The following NCKAP5 variants were observed in gnomAD, a reference collection of about 807,000 sequenced individuals.
NCKAP5 encodes nck-associated protein 5.
Under a neutral mutation model 167.0 loss-of-function variants are expected in NCKAP5, and 92 were observed. The observed-to-expected ratio is 0.55, with a 90% CI of 0.47 to 0.66. NCKAP5 has a LOEUF of 0.66. NCKAP5 is among the 30% of genes least tolerant of loss of function. NCKAP5 has a pLI of 0.00. For missense variants in NCKAP5, 2,378 were observed against 2,315.0 expected, an observed-to-expected ratio of 1.03 and a Z score of -0.56; for synonymous variants, 891 against 877.4, an observed-to-expected ratio of 1.02 and a Z score of -0.27.
intron 5 of NCKAP5, among the ~76,000 whole-genome samples, chr2:133,178,826 T>C (rs1298950535): frequency 1.7e-4 from 14 of 82,766 alleles, no homozygotes; most frequent in Non-Finnish European, 2.5e-4. Flanking sequence ...CAAGACTCCG[T>C]CTCAAAAAAA....
intron 16 of NCKAP5, among the ~76,000 whole-genome samples, chr2:132,733,901 T>C (rs934461666): frequency 6.6e-6 from 1 of 152,180 alleles, no homozygotes; most frequent in Admixed American, 6.5e-5. Flanking sequence ...AAGTCCCTAC[T>C]CAAGAGGCTT....
intron 4 of NCKAP5, among the ~76,000 whole-genome samples, chr2:133,247,977 T>C (rs536871559): frequency 3.9e-5 from 6 of 152,340 alleles, no homozygotes; most frequent in African/African-American, 1.4e-4. Context: ...GGTCATGTGT[T>C]GACTAGTCAC....
At chr2:132,788,426 T>C (rs796783704) in intron 13 of NCKAP5, among the ~76,000 whole-genome samples, 31 of 152,254 alleles carry the variant, frequency 2.0e-4, no homozygotes, top group African/African-American at 7.2e-4. Context: ...ACAAGGCCAG[T>C]ATAAAAGAAC....
At chr2:133,164,151 C>T (rs7608285) in intron 5 of NCKAP5, among the ~76,000 whole-genome samples, 74,970 of 152,042 alleles carry the variant, frequency 0.49, 19,516 homozygotes, top group African/African-American at 0.68. Flanking sequence ...GCTATGCAAG[C>T]ACAGGATATT....
intron 3 of NCKAP5, among the ~76,000 whole-genome samples, chr2:133,502,592 T>C (rs1682623289): frequency 6.6e-6 from 1 of 152,164 alleles, no homozygotes; most frequent in African/African-American, 2.4e-5. Flanking sequence ...GTCTACATCA[T>C]ATCCTTGATA....
chr2:133,548,591 A>G (rs1424173535), intron 2 of NCKAP5, among the ~76,000 whole-genome samples: 1 of 152,066 alleles, frequency 6.6e-6, no homozygotes, highest in Non-Finnish European at 1.5e-5. Context: ...CTTAAAGACA[A>G]GAATTTTCAA....
chr2:133,484,056 C>T (rs1680693102), intron 3 of NCKAP5, among the ~76,000 whole-genome samples: 1 of 152,116 alleles, frequency 6.6e-6, no homozygotes, highest in South Asian at 2.1e-4. Flanking sequence ...TTGTCCAAAT[C>T]CCTCATTTTG....
At chr2:133,204,268 C>T (rs1017286222) in intron 5 of NCKAP5, among the ~76,000 whole-genome samples, 1 of 152,120 alleles carries the variant, frequency 6.6e-6, no homozygotes, top group Non-Finnish European at 1.5e-5. Context: ...TAAATACTCA[C>T]AAAATGAGAC....
the NCKAP5 span, among the ~76,000 whole-genome samples, chr2:133,606,324 C>G: frequency 6.6e-6 from 1 of 152,048 alleles, no homozygotes; most frequent in African/African-American, 2.4e-5. Flanking sequence ...AATAAGTTTC[C>G]TACTTTACTT....
At chr2:132,708,389 C>G (rs1688553770) in intron 19 of NCKAP5, among the ~76,000 whole-genome samples, 1 of 152,070 alleles carries the variant, frequency 6.6e-6, no homozygotes, top group Non-Finnish European at 1.5e-5. Context: ...GCCAGTGGGC[C>G]CTGAGTGAAC....
At chr2:132,909,310 T>C (rs943647136) in intron 8 of NCKAP5, among the ~76,000 whole-genome samples, 2 of 152,066 alleles carry the variant, frequency 1.3e-5, no homozygotes, top group African/African-American at 4.8e-5. Context: ...GGCACCACTG[T>C]ACTCCAGCCT....
chr2:133,533,697 T>C (rs1279574041), intron 2 of NCKAP5, among the ~76,000 whole-genome samples: 1 of 152,234 alleles, frequency 6.6e-6, no homozygotes, highest in East Asian at 1.9e-4. Context: ...TTATCATAAG[T>C]TATAGAAATA....
chr2:133,274,502 C>G (rs547476991), intron 4 of NCKAP5, among the ~76,000 whole-genome samples: 1 of 152,058 alleles, frequency 6.6e-6, no homozygotes, highest in African/African-American at 2.4e-5. Context: ...ACTCAACTTA[C>G]CAGCGAGTCC....
At chr2:133,390,462 C>T (rs570862600) in intron 3 of NCKAP5, among the ~76,000 whole-genome samples, 1 of 152,164 alleles carries the variant, frequency 6.6e-6, no homozygotes, top group Non-Finnish European at 1.5e-5. Flanking sequence ...CCTTTTAATC[C>T]AGCTCCTCAG....
At chr2:133,422,238 C>A (rs1310381497) in intron 3 of NCKAP5, among the ~76,000 whole-genome samples, 1 of 152,224 alleles carries the variant, frequency 6.6e-6, no homozygotes, top group Admixed American at 6.5e-5. Context: ...TGGCCTCTGT[C>A]CTCAAGGAGC....
At chr2:133,018,630 C>G (rs2078424899) in intron 6 of NCKAP5, among the ~76,000 whole-genome samples, 1 of 152,166 alleles carries the variant, frequency 6.6e-6, no homozygotes, top group African/African-American at 2.4e-5. Flanking sequence ...TAGAACTGTG[C>G]ACAGCAAGTG....
chr2:133,223,844 T>A (rs892405641), intron 4 of NCKAP5, among the ~76,000 whole-genome samples: 1 of 152,102 alleles, frequency 6.6e-6, no homozygotes, highest in South Asian at 2.1e-4. Flanking sequence ...CTCACCAACA[T>A]TGGAAAAGCA....
intron 11 of NCKAP5, among the ~76,000 whole-genome samples, chr2:132,858,889 T>G (rs1008316945): frequency 6.6e-6 from 1 of 152,132 alleles, no homozygotes; most frequent in Admixed American, 6.5e-5. Flanking sequence ...TCACAATTCA[T>G]AAACAGGGAC....
chr2:133,527,596 T>G (rs1036443172), intron 2 of NCKAP5, among the ~76,000 whole-genome samples: 22 of 152,126 alleles, frequency 1.4e-4, no homozygotes, highest in African/African-American at 5.3e-4. Flanking sequence ...AGGAAGAATT[T>G]TTAGTGAACC....
Sources: gnomAD v4.1 joint callset for allele counts (sites outside exome capture counted in the v4.1 genomes callset) on GRCh38, gnomAD v4.1.1 for gene constraint, MANE v1.5 for transcripts, NCBI Gene and HGNC (gene_info 2026-07-23, HGNC 2026-07-21) for gene names.